Variants in SCHIP1 observed in about 807,000 individuals in gnomAD.
SCHIP1 encodes schwannomin-interacting protein 1.
Under a neutral mutation model 29.7 loss-of-function variants are expected in SCHIP1, and 8 were observed. That is an observed-to-expected ratio of 0.27 (90% CI 0.16 to 0.49). SCHIP1 has a LOEUF of 0.49. Among genes scored for constraint, SCHIP1 ranks in the 20% least tolerant of loss-of-function variants. The pLI is 0.99. For missense variants in SCHIP1, 193 were observed against 294.6 expected, an observed-to-expected ratio of 0.66 and a Z score of 2.52; for synonymous variants, 76 against 94.9, an observed-to-expected ratio of 0.80 and a Z score of 1.16.
chr3:159,795,106 C>T, the SCHIP1 span, among the ~76,000 whole-genome samples: 2 of 152,104 alleles, frequency 1.3e-5, no homozygotes, highest in African/African-American at 2.4e-5. Flanking sequence ...TATAGAGCTG[C>T]GATATAGATG....
chr3:159,767,958 A>G, the SCHIP1 span, among the ~76,000 whole-genome samples: 1 of 152,164 alleles, frequency 6.6e-6, no homozygotes, highest in African/African-American at 2.4e-5. Flanking sequence ...GGGATGGAGT[A>G]GGTTCTCAAA....
At chr3:159,341,098 C>T in the SCHIP1 span, among the ~76,000 whole-genome samples, 20 of 152,230 alleles carry the variant, frequency 1.3e-4, no homozygotes, top group African/African-American at 4.6e-4. Context: ...TGCCTGCTTA[C>T]GGCCCAGCTG....
At chr3:159,491,470 C>G in the SCHIP1 span, among the ~76,000 whole-genome samples, 10 of 152,212 alleles carry the variant, frequency 6.6e-5, no homozygotes, top group South Asian at 2.1e-4. Context: ...CAGCACCTGG[C>G]TTGGAGGGTC....
At chr3:159,828,170 C>T in the SCHIP1 span, among the ~76,000 whole-genome samples, 142 of 151,328 alleles carry the variant, frequency 9.4e-4, 1 homozygote, top group Admixed American at 2.7e-3. Flanking sequence ...CAGTTTATAA[C>T]TCAATTCATA....
At chr3:159,875,977 A>G (rs1335184965) in intron 2 of SCHIP1, among the ~76,000 whole-genome samples, 1 of 152,244 alleles carries the variant, frequency 6.6e-6, no homozygotes, top group Non-Finnish European at 1.5e-5. Flanking sequence ...TGATGAGAAC[A>G]GAAACCATTA....
At chr3:159,462,338 A>G in the SCHIP1 span, among the ~76,000 whole-genome samples, 1 of 152,164 alleles carries the variant, frequency 6.6e-6, no homozygotes, top group African/African-American at 2.4e-5. Context: ...ATGGAGATAC[A>G]AAGATTGACC....
chr3:159,750,832 C>T, the SCHIP1 span, among the ~76,000 whole-genome samples: 2 of 151,868 alleles, frequency 1.3e-5, no homozygotes, highest in Admixed American at 1.3e-4. Flanking sequence ...AACAGCAACA[C>T]TCCCCTCATA....
upstream of SCHIP1, among the ~76,000 whole-genome samples, chr3:159,838,285 A>G (rs1743867551): frequency 2.6e-5 from 4 of 152,246 alleles, no homozygotes; most frequent in South Asian, 8.3e-4. Context: ...AGTTATTAAA[A>G]TTACATTAGC....
At chr3:159,518,965 A>G in the SCHIP1 span, among the ~76,000 whole-genome samples, 2 of 152,148 alleles carry the variant, frequency 1.3e-5, no homozygotes, top group African/African-American at 4.8e-5. Flanking sequence ...AATAATATTT[A>G]CATGTATTTA....
At chr3:159,842,850 A>G (rs933880995) in intron 1 of SCHIP1, among the ~76,000 whole-genome samples, 3 of 151,694 alleles carry the variant, frequency 2.0e-5, no homozygotes, top group Admixed American at 2.0e-4. Context: ...TTTACATCTT[A>G]TAGATATTTA....
chr3:159,421,253 T>G, the SCHIP1 span, among the ~76,000 whole-genome samples: 1 of 152,244 alleles, frequency 6.6e-6, no homozygotes. Flanking sequence ...CTAGCTGGAA[T>G]GTATATTTTA....
the SCHIP1 span, among the ~76,000 whole-genome samples, chr3:159,553,199 CTAGAT>C: frequency 1.3e-5 from 2 of 149,174 alleles, no homozygotes; most frequent in Admixed American, 6.7e-5. Flanking sequence ...GAAAGCACAA[CTAGAT>C]TAATGTGAGC....
chr3:159,883,413 G>A (rs1716644451), intron 2 of SCHIP1, among the ~76,000 whole-genome samples: 2 of 152,026 alleles, frequency 1.3e-5, no homozygotes, highest in Admixed American at 1.3e-4. Flanking sequence ...CTCAAGAACA[G>A]CCATGTCTCC....
chr3:159,289,737 C>G, the SCHIP1 span, among the ~76,000 whole-genome samples: 21 of 152,202 alleles, frequency 1.4e-4, no homozygotes, highest in Non-Finnish European at 2.4e-4. Context: ...AGGGTTGATA[C>G]TACATAAACA....
At chr3:159,667,006 C>T in the SCHIP1 span, among the ~76,000 whole-genome samples, 16,256 of 152,266 alleles carry the variant, frequency 0.11, 2,140 homozygotes, top group African/African-American at 0.31. Context: ...TTACCCACCT[C>T]ATGATCTGCC....
the SCHIP1 span, among the ~76,000 whole-genome samples, chr3:159,649,026 C>T: frequency 6.6e-6 from 1 of 152,198 alleles, no homozygotes; most frequent in Non-Finnish European, 1.5e-5. Context: ...CAGAATGGGA[C>T]TTGGCTATTC....
chr3:159,435,324 T>C, the SCHIP1 span, among the ~76,000 whole-genome samples: 496 of 152,286 alleles, frequency 3.3e-3, 2 homozygotes, highest in Non-Finnish European at 4.9e-3. Context: ...TTGTTGTTAT[T>C]ATTATTACCT....
the SCHIP1 span, among the ~76,000 whole-genome samples, chr3:159,484,095 G>A: frequency 3.9e-5 from 6 of 152,084 alleles, no homozygotes; most frequent in South Asian, 6.2e-4. Context: ...TGAGAGTGGG[G>A]AGGGTACCAG....
At chr3:159,601,319 C>T in the SCHIP1 span, among the ~76,000 whole-genome samples, 187 of 152,200 alleles carry the variant, frequency 1.2e-3, no homozygotes, top group Non-Finnish European at 2.1e-3. Flanking sequence ...CCAACAACCC[C>T]CCCATACACT....
Sources: allele counts gnomAD v4.1 joint callset (sites outside exome capture counted in the v4.1 genomes callset), GRCh38; gene constraint gnomAD v4.1.1; transcripts MANE v1.5; gene names NCBI Gene and HGNC (gene_info 2026-07-23, HGNC 2026-07-21).